FBXL5: variants seen among roughly 807,000 people sequenced by gnomAD.
FBXL5 encodes the protein F-box/LRR-repeat protein 5.
FBXL5 carries 26 observed loss-of-function variants against 78.3 expected under a neutral mutation model. The ratio of observed to expected loss-of-function variants is 0.33; its 90% CI spans 0.24 to 0.46. The LOEUF is 0.46. Ranked by LOEUF, FBXL5 falls within the 20% of genes least tolerant of loss-of-function variation. The pLI is 1.00. For missense variants in FBXL5, 710 were observed against 829.2 expected, an observed-to-expected ratio of 0.86 and a Z score of 1.77; for synonymous variants, 295 against 282.5, an observed-to-expected ratio of 1.04 and a Z score of -0.45.
chr4:15,649,215 C>G (rs1429421242), intron 1 of FBXL5, among the ~76,000 whole-genome samples: 1 of 152,058 alleles, frequency 6.6e-6, no homozygotes, highest in African/African-American at 2.4e-5. Context: ...CTACCCAACT[C>G]AGTTTTTCTC....
intron 1 of FBXL5, among the ~76,000 whole-genome samples, chr4:15,668,998 G>A (rs938873198): frequency 1.3e-5 from 2 of 152,190 alleles, no homozygotes; most frequent in African/African-American, 4.8e-5. Flanking sequence ...CCACCTTGTT[G>A]AAAATAAGCT....
rs1721796943 is a variant in FBXL5, at chr4:15,605,111, A to G, written c.*612T>C. The G allele has an allele frequency of 6.5e-6, 1 of 152,682 alleles. No homozygotes were observed. The highest frequency in any genetic ancestry group is 6.5e-5 in the Admixed American group (1 of 15,286). 9.5% of individuals were successfully genotyped at this position (152,682 alleles called of 1,614,324 possible). ...ATTTGATGACATAGGGACAGTGGTG[A>G]GAACAAAGTATCCCTAAAGGAAACA... On this transcript the variant is annotated 3_prime_UTR_variant, in exon 11 of 11. Coordinates refer to ENST00000341285, the MANE Select transcript of FBXL5 (RefSeq NM_012161.4).
chr4:15,640,268 G>A (rs558877267), intron 3 of FBXL5, among the ~76,000 whole-genome samples: 3 of 151,282 alleles, frequency 2.0e-5, no homozygotes, highest in Admixed American at 6.6e-5. Context: ...TCTTGAACTC[G>A]TGAGTTCAAG....
rs754835957 is a variant in FBXL5 at position 15,625,483 on chromosome 4, G to A, written c.1619C>T (p.Ser540Phe). Residue 540 changes from serine to phenylalanine, a missense_variant, in exon 9 of 11, where the codon TCT (serine) becomes TTT (phenylalanine). By Grantham distance (155) the Ser-to-Phe change is radical. Coordinates refer to ENST00000341285, the MANE Select transcript of FBXL5 (RefSeq NM_012161.4). Reference protein sequence around the residue: ...TSVCWQQHCASPAFAYCGHSF... With the variant: ...TSVCWQQHCAFPAFAYCGHSF... Reference sequence around the variant, plus strand: ...GTGACCACAATACGCAAAGGCTGGAGAAGCACAATGCTGCTGCCAACAGAC... The same window carrying A: ...GTGACCACAATACGCAAAGGCTGGAAAAGCACAATGCTGCTGCCAACAGAC... The A allele has an allele frequency of 8.7e-6, 14 of 1,613,860 alleles. No individual in the cohort carries two copies. The highest frequency in any genetic ancestry group is 1.2e-5 in the Non-Finnish European group (14 of 1,179,948).
intron 6 of FBXL5, among the ~76,000 whole-genome samples, chr4:15,628,976 G>C (rs1160903452): frequency 2.0e-5 from 3 of 151,494 alleles, no homozygotes; most frequent in Non-Finnish European, 3.0e-5. Context: ...ATATTTTGGG[G>C]GTACATGTGA....
At chr4:15,636,383 C>G in intron 5 of FBXL5, 111 bp downstream of exon 5, 1 of 853,680 alleles carries the variant, frequency 1.2e-6, no homozygotes, top group Non-Finnish European at 1.6e-6. Flanking sequence ...ACTATAAAAT[C>G]TACTTTTTGA....
At position 15,632,010 on chromosome 4, in the gene FBXL5, T is replaced by C. The variant is rs187676149; in HGVS notation, c.767-1219A>G. Among the ~76,000 whole-genome samples, 1,461 of 152,316 alleles carry C rather than the reference T, an allele frequency of 9.6e-3. 19 individuals are homozygous for C. The highest frequency in any genetic ancestry group is 0.034 in the African/African-American group (1,394 of 41,562). On this transcript the variant is annotated intron_variant, in intron 5 of 10. Coordinates refer to ENST00000341285, the MANE Select transcript of FBXL5 (RefSeq NM_012161.4). ...TTGCCCATGCCTATGTCCTGAATGG[T>C]ATTGCCTAGGTTTTCTTCTAGGGTT...
In FBXL5 at chr4:15,630,857, T is replaced by G. The variant is rs1253190746; in HGVS notation, c.767-66A>C. On this transcript the variant is annotated intron_variant, in intron 5 of 10. Coordinates refer to ENST00000341285, the MANE Select transcript of FBXL5 (RefSeq NM_012161.4). ...CAGATTGCCTGCAATTATGAAAAAC[T>G]AAGCTATTTACGATAAAAATCTCTA... The G allele has an allele frequency of 8.2e-6, 13 of 1,581,766 alleles. No homozygotes were observed. The Admixed American group carries it at 2.4e-4, about 29-fold the overall frequency.
At chr4:15,627,835 T>G in intron 7 of FBXL5, 50 bp downstream of exon 7, 4 of 1,561,928 alleles carry the variant, frequency 2.6e-6, no homozygotes, top group Non-Finnish European at 3.5e-6. Context: ...AACCAAACTC[T>G]TATCATGCTG....
chr4:15,655,512 C>T (rs1035186233), upstream of FBXL5: 1 of 358,046 alleles, frequency 2.8e-6, no homozygotes, highest in Non-Finnish European at 3.9e-6. Context: ...GCTTCTGCCT[C>T]CCGCCCCCAC....
At chr4:15,623,687 A>C (rs183715430) in intron 9 of FBXL5, among the ~76,000 whole-genome samples, 6 of 152,350 alleles carry the variant, frequency 3.9e-5, no homozygotes, top group Admixed American at 3.9e-4. Context: ...ATGTTCTTAA[A>C]CTATAACATA....
At chr4:15,642,598 C>A (rs1401220515) in intron 2 of FBXL5, among the ~76,000 whole-genome samples, 1 of 152,128 alleles carries the variant, frequency 6.6e-6, no homozygotes, top group Non-Finnish European at 1.5e-5. Context: ...GTCTCTTTTT[C>A]CAGAACTAAT....
chr4:15,654,157 T>C (rs1360403576), intron 1 of FBXL5, among the ~76,000 whole-genome samples: 1 of 152,206 alleles, frequency 6.6e-6, no homozygotes, highest in Non-Finnish European at 1.5e-5. Flanking sequence ...ACCCCTCTTT[T>C]CTGTAGACAA....
intron 1 of FBXL5, among the ~76,000 whole-genome samples, chr4:15,667,839 C>T (rs1310195109): frequency 6.6e-6 from 1 of 151,948 alleles, no homozygotes; most frequent in African/African-American, 2.4e-5. Context: ...GTCAGGAGTT[C>T]GAGACTAGCC....
At chr4:15,649,578 C>CAAAA (rs34238482) in intron 1 of FBXL5, among the ~76,000 whole-genome samples, 53 of 80,668 alleles carry the variant, frequency 6.6e-4, no homozygotes, top group East Asian at 9.7e-4. Context: ...GACTACGTCT[C>CAAAA]AAAAAAAAAA....
At chr4:15,659,235 G>A (rs1717187391), upstream of FBXL5, among the ~76,000 whole-genome samples, 1 of 152,086 alleles carries the variant, frequency 6.6e-6, no homozygotes. Flanking sequence ...ATACATAGTA[G>A]GCATAAAATA....
chr4:15,643,558 A>T (rs1216523386), intron 2 of FBXL5, among the ~76,000 whole-genome samples: 1 of 131,648 alleles, frequency 7.6e-6, no homozygotes, highest in Non-Finnish European at 1.6e-5. Flanking sequence ...GGCGCCTGCC[A>T]CTATGTCTGG....
At chr4:15,649,526 G>A (rs1441942463) in intron 1 of FBXL5, among the ~76,000 whole-genome samples, 1 of 140,442 alleles carries the variant, frequency 7.1e-6, no homozygotes, top group Admixed American at 7.8e-5. Context: ...GTTGCAGTGA[G>A]CCAAGATCAC....
chr4:15,644,625 C>A lies in FBXL5; in HGVS notation c.168G>T (p.Met56Ile). The A allele has an allele frequency of 6.2e-7, 1 of 1,614,032 alleles. No homozygotes were observed. The change falls in exon 2 of 11, where the codon ATG becomes ATT. Residue 56 changes from methionine (M) to isoleucine (I), a missense_variant. Physicochemically the swap from Met to Ile is conservative, Grantham distance 10. Transcript: ENST00000341285. Reference protein sequence around the residue: ...SLYATFKEFKMHEQIENEYII... With the variant: ...SLYATFKEFKIHEQIENEYII... ...TGTATTCATTTTCAATCTGCTCATG[C>A]ATTTTGAACTCCTTGAAAGTAGCAT...
Sources: allele counts gnomAD v4.1 joint callset (sites outside exome capture counted in the v4.1 genomes callset), GRCh38; gene constraint gnomAD v4.1.1; transcripts MANE v1.5; gene names NCBI Gene and HGNC (gene_info 2026-07-23, HGNC 2026-07-21).